The following IQCJ variants were observed in gnomAD, a reference collection of about 807,000 sequenced individuals.
IQCJ encodes the protein IQ domain-containing protein J.
A neutral mutation model predicts 11.0 loss-of-function variants in IQCJ; 9 were observed. The ratio of observed to expected loss-of-function variants is 0.82; its 90% CI spans 0.49 to 1.43. The LOEUF is 1.43. IQCJ is among the 40% of genes most tolerant of loss of function. The pLI, the probability that IQCJ is intolerant of heterozygous loss-of-function variation, is 0.00. For missense variants in IQCJ, 146 were observed against 133.2 expected (o/e 1.10, Z -0.47); for synonymous variants, 55 against 51.3 (o/e 1.07, Z -0.31).
intron 3 of IQCJ, among the ~76,000 whole-genome samples, chr3:159,259,361 G>T (rs1728077523): frequency 6.6e-6 from 1 of 152,126 alleles, no homozygotes; most frequent in Non-Finnish European, 1.5e-5. Flanking sequence ...CACAACATGT[G>T]CTTTCTTACT....
At chr3:159,091,929 G>T (rs1277046799) in intron 1 of IQCJ, among the ~76,000 whole-genome samples, 1 of 151,782 alleles carries the variant, frequency 6.6e-6, no homozygotes, top group African/African-American at 2.4e-5. Flanking sequence ...AATAGAATTA[G>T]ATAATAACTA....
intron 1 of IQCJ, among the ~76,000 whole-genome samples, chr3:159,206,335 G>A (rs1724655032): frequency 6.6e-6 from 1 of 152,120 alleles, no homozygotes; most frequent in African/African-American, 2.4e-5. Context: ...TTTATGTGGT[G>A]CTGAATAGTT....
At chr3:159,072,727 C>T (rs561116435) in intron 1 of IQCJ, among the ~76,000 whole-genome samples, 40 of 152,038 alleles carry the variant, frequency 2.6e-4, no homozygotes, top group Admixed American at 7.2e-4. Flanking sequence ...TTATATAGTC[C>T]TCATTGACTA....
chr3:159,116,305 A>T (rs1481147931), intron 1 of IQCJ, among the ~76,000 whole-genome samples: 3 of 152,032 alleles, frequency 2.0e-5, no homozygotes, highest in Non-Finnish European at 4.4e-5. Flanking sequence ...AGGAAGACAA[A>T]GAAGAAAAAT....
At chr3:159,170,368 C>A (rs1722422154) in intron 1 of IQCJ, among the ~76,000 whole-genome samples, 1 of 151,940 alleles carries the variant, frequency 6.6e-6, no homozygotes, top group South Asian at 2.1e-4. Flanking sequence ...ATATCAACAC[C>A]CCCCAACTGC....
At chr3:159,250,164 A>G (rs1411260483) in intron 2 of IQCJ, among the ~76,000 whole-genome samples, 1 of 152,226 alleles carries the variant, frequency 6.6e-6, no homozygotes, top group African/African-American at 2.4e-5. Flanking sequence ...CCCACAGACA[A>G]TTATTGATGG....
chr3:159,247,395 A>C (rs895567666), intron 2 of IQCJ, among the ~76,000 whole-genome samples: 5 of 152,146 alleles, frequency 3.3e-5, no homozygotes, highest in African/African-American at 1.2e-4. Context: ...GCGCCGGTCT[A>C]TTTACTCAGG....
At chr3:159,180,983 A>T (rs1436981102) in intron 1 of IQCJ, among the ~76,000 whole-genome samples, 1 of 151,998 alleles carries the variant, frequency 6.6e-6, no homozygotes, top group Non-Finnish European at 1.5e-5. Flanking sequence ...ATGAAAAAAT[A>T]TATTCTTGAT....
At chr3:159,094,717 T>A (rs556043845) in intron 1 of IQCJ, among the ~76,000 whole-genome samples, 1 of 151,946 alleles carries the variant, frequency 6.6e-6, no homozygotes, top group South Asian at 2.1e-4. Context: ...TGGTAAAAGA[T>A]GTGTGATCTC....
intron 1 of IQCJ, among the ~76,000 whole-genome samples, chr3:159,160,867 A>AT (rs1273637113): frequency 6.6e-6 from 1 of 152,146 alleles, no homozygotes; most frequent in East Asian, 1.9e-4. Flanking sequence ...TGAACTCATC[A>AT]TTTTTATGGC....
At chr3:159,250,553 C>T (rs1193380292) in intron 2 of IQCJ, among the ~76,000 whole-genome samples, 4 of 152,220 alleles carry the variant, frequency 2.6e-5, no homozygotes, top group East Asian at 1.9e-4. Flanking sequence ...TGGCTGGGGG[C>T]GCCTCAGGAA....
At chr3:159,112,673 C>T (rs1446377513) in intron 1 of IQCJ, among the ~76,000 whole-genome samples, 1 of 152,134 alleles carries the variant, frequency 6.6e-6, no homozygotes, top group African/African-American at 2.4e-5. Flanking sequence ...TAGCCTCGCA[C>T]ACCGTTTCGT....
intron 1 of IQCJ, among the ~76,000 whole-genome samples, chr3:159,114,401 C>A (rs1044236445): frequency 2.0e-5 from 3 of 151,282 alleles, no homozygotes; most frequent in African/African-American, 7.3e-5. Context: ...ACCTCTGTCT[C>A]CCAGGTTCAA....
intron 1 of IQCJ, among the ~76,000 whole-genome samples, chr3:159,144,670 ACACAC>A (rs1357368935): frequency 7.2e-6 from 1 of 139,666 alleles, no homozygotes; most frequent in African/African-American, 3.0e-5. Context: ...AGACACACAC[ACACAC>A]ACACACACAC....
intron 1 of IQCJ, among the ~76,000 whole-genome samples, chr3:159,092,420 C>A (rs570058370): frequency 2.0e-5 from 3 of 151,976 alleles, no homozygotes; most frequent in Non-Finnish European, 2.9e-5. Flanking sequence ...ACATTTTAGG[C>A]CTGGCGCTGT....
chr3:159,136,976 T>G (rs1720325827), intron 1 of IQCJ, among the ~76,000 whole-genome samples: 1 of 152,116 alleles, frequency 6.6e-6, no homozygotes, highest in African/African-American at 2.4e-5. Flanking sequence ...AGAAGTATAG[T>G]AAGCTGGCTA....
At chr3:159,141,996 C>CT (rs1316204087) in intron 1 of IQCJ, among the ~76,000 whole-genome samples, 1 of 152,180 alleles carries the variant, frequency 6.6e-6, no homozygotes, top group Non-Finnish European at 1.5e-5. Flanking sequence ...TAGCATTAGT[C>CT]TATCTGTTCT....
chr3:159,111,443 A>T (rs1314541986), intron 1 of IQCJ, among the ~76,000 whole-genome samples: 1 of 152,176 alleles, frequency 6.6e-6, no homozygotes, highest in Non-Finnish European at 1.5e-5. Context: ...TCTCAAACTG[A>T]TCTGGGGCTA....
intron 1 of IQCJ, among the ~76,000 whole-genome samples, chr3:159,105,718 G>A (rs186964750): frequency 6.0e-4 from 91 of 152,264 alleles, no homozygotes; most frequent in African/African-American, 1.9e-3. Context: ...GGGAAAACAC[G>A]TCTGGTGGTA....
Sources: gnomAD v4.1 joint callset for allele counts (sites outside exome capture counted in the v4.1 genomes callset) on GRCh38, gnomAD v4.1.1 for gene constraint, MANE v1.5 for transcripts, NCBI Gene and HGNC (gene_info 2026-07-23, HGNC 2026-07-21) for gene names.